PTPRT: variants seen among roughly 807,000 people sequenced by gnomAD.
PTPRT encodes the protein receptor-type tyrosine-protein phosphatase T.
A neutral mutation model predicts 176.8 loss-of-function variants in PTPRT; 56 were observed. The ratio of observed to expected loss-of-function variants is 0.32; its 90% CI spans 0.26 to 0.40. The LOEUF is 0.40. PTPRT is among the 10% of genes least tolerant of loss of function. PTPRT has a pLI of 1.00. For synonymous variants in PTPRT, 783 were observed against 739.0 expected, an observed-to-expected ratio of 1.06 and a Z score of -0.96; for missense variants, 1,540 against 1,908.2, an observed-to-expected ratio of 0.81 and a Z score of 3.60.
intron 1 of PTPRT, among the ~76,000 whole-genome samples, chr20:43,167,122 T>C (rs182912155): frequency 1.3e-5 from 2 of 152,336 alleles, no homozygotes; most frequent in African/African-American, 4.8e-5. Context: ...CCTTTACTCT[T>C]GACAGGTTTG....
chr20:43,133,789 A>T (rs1020564852), intron 1 of PTPRT, among the ~76,000 whole-genome samples: 3 of 151,664 alleles, frequency 2.0e-5, no homozygotes. Flanking sequence ...CTGGTTCTGA[A>T]ACGCTAGCCT....
intron 1 of PTPRT, among the ~76,000 whole-genome samples, chr20:43,076,364 C>T (rs2011278145): frequency 6.6e-6 from 1 of 151,714 alleles, no homozygotes; most frequent in Admixed American, 6.6e-5. Flanking sequence ...AAAATACTAC[C>T]ATGCAATATA....
chr20:42,192,237 C>A (rs117620048), intron 16 of PTPRT, among the ~76,000 whole-genome samples: 2,521 of 152,194 alleles, frequency 0.017, 36 homozygotes, highest in Non-Finnish European at 0.025. Flanking sequence ...TTCCCAGAGA[C>A]CCATTTCCCA....
rs372520840 is a variant in PTPRT, at chr20:42,085,821, G to A, written c.3879C>T (p.Ser1293=). 71 of 1,613,494 alleles carry A rather than the reference G, an allele frequency of 4.4e-5. No individual in the cohort carries two copies. Among genetic ancestry groups the A allele is most frequent in the South Asian group, 8.8e-5 (8 of 91,070 alleles). ...FCMQYWPEKT[S]GCYGPIQVEF... is the part of the protein sequence containing the mutation. ...CCACCTGGATGGGCCCATAGCACCC[G>A]GAGGTCTTCTCAGGCCAGTACTGCA... Residue 1293 remains serine (S), a synonymous_variant, in exon 28 of 31, where the codon TCC becomes TCT. Transcript: ENST00000373187.
chr20:43,079,637 T>C (rs186686583), intron 1 of PTPRT, among the ~76,000 whole-genome samples: 4 of 152,304 alleles, frequency 2.6e-5, no homozygotes, highest in Admixed American at 2.0e-4. Context: ...GTGGTTGCTA[T>C]TGTGAATAAA....
chr20:42,951,103 GA>G (rs1308995650), intron 1 of PTPRT, among the ~76,000 whole-genome samples: 1 of 152,230 alleles, frequency 6.6e-6, no homozygotes, highest in Non-Finnish European at 1.5e-5. Context: ...ATAGATGGAT[GA>G]GAGAATGAAG....
intron 7 of PTPRT, among the ~76,000 whole-genome samples, chr20:42,602,990 G>A (rs1037021616): frequency 1.3e-5 from 2 of 152,036 alleles, no homozygotes; most frequent in Non-Finnish European, 2.9e-5. Context: ...AGAACAGAGG[G>A]GTGCTCTGTT....
intron 7 of PTPRT, among the ~76,000 whole-genome samples, chr20:42,552,548 G>A (rs770652025): frequency 4.6e-5 from 7 of 152,028 alleles, no homozygotes; most frequent in Non-Finnish European, 7.4e-5. Context: ...TTTTTTGCAC[G>A]AAAATGTTTT....
At chr20:42,291,325 A>G (rs1370223066) in intron 12 of PTPRT, among the ~76,000 whole-genome samples, 1 of 152,336 alleles carries the variant, frequency 6.6e-6, no homozygotes, top group Admixed American at 6.5e-5. Flanking sequence ...CTGTCCTCAT[A>G]GAGCATGCAG....
intron 2 of PTPRT, among the ~76,000 whole-genome samples, chr20:42,802,932 T>C (rs1190500998): frequency 1.3e-5 from 2 of 152,228 alleles, no homozygotes; most frequent in Non-Finnish European, 2.9e-5. Context: ...TTCCTAGGCT[T>C]GTTACGTGAA....
chr20:42,366,954 T>G (rs980096434), intron 9 of PTPRT, among the ~76,000 whole-genome samples: 4 of 152,258 alleles, frequency 2.6e-5, no homozygotes, highest in African/African-American at 9.6e-5. Context: ...GTTGCCTTTT[T>G]TTCCCTTAAA....
chr20:42,458,394 C>T (rs1352855936), intron 8 of PTPRT, among the ~76,000 whole-genome samples: 1 of 152,080 alleles, frequency 6.6e-6, no homozygotes, highest in Non-Finnish European at 1.5e-5. Context: ...ATTACCTTGG[C>T]CAAGCTGCTT....
chr20:43,073,090 A>G (rs1028809706), intron 1 of PTPRT, among the ~76,000 whole-genome samples: 5 of 152,214 alleles, frequency 3.3e-5, no homozygotes, highest in African/African-American at 1.2e-4. Context: ...ACAGGGTCAA[A>G]GAGGACTTGC....
chr20:42,213,730 C>T (rs1157469465), intron 15 of PTPRT, among the ~76,000 whole-genome samples: 1 of 151,996 alleles, frequency 6.6e-6, no homozygotes, highest in Non-Finnish European at 1.5e-5. Context: ...AGCCAAGGAG[C>T]ACGGAGGACT....
intron 2 of PTPRT, among the ~76,000 whole-genome samples, chr20:42,801,867 T>C (rs1256892318): frequency 1.3e-5 from 2 of 152,078 alleles, no homozygotes; most frequent in Non-Finnish European, 2.9e-5. Flanking sequence ...CTAAAAGAAA[T>C]TGCAGACAGA....
intron 18 of PTPRT, among the ~76,000 whole-genome samples, chr20:42,133,109 T>C (rs568018678): frequency 1.3e-5 from 2 of 152,232 alleles, no homozygotes; most frequent in Non-Finnish European, 2.9e-5. Context: ...ATCAATTCCC[T>C]GACATATTCT....
chr20:42,950,593 G>A (rs1439460550), intron 1 of PTPRT, among the ~76,000 whole-genome samples: 3 of 152,162 alleles, frequency 2.0e-5, no homozygotes, highest in Admixed American at 2.0e-4. Flanking sequence ...CTGGTGTTCT[G>A]GGGTGGTAAC....
intron 3 of PTPRT, among the ~76,000 whole-genome samples, chr20:42,783,305 T>C (rs1185343475): frequency 6.6e-6 from 1 of 152,128 alleles, no homozygotes; most frequent in Non-Finnish European, 1.5e-5. Context: ...TTGAGAATAA[T>C]ATTTGTAATA....
At chr20:42,298,818 G>C (rs936740792) in intron 12 of PTPRT, among the ~76,000 whole-genome samples, 3 of 152,080 alleles carry the variant, frequency 2.0e-5, no homozygotes, top group African/African-American at 7.2e-5. Context: ...CCACTTGAGA[G>C]GCTGAGCCAG....
Sources: gnomAD v4.1 joint callset for allele counts (sites outside exome capture counted in the v4.1 genomes callset) on GRCh38, gnomAD v4.1.1 for gene constraint, MANE v1.5 for transcripts, NCBI Gene and HGNC (gene_info 2026-07-23, HGNC 2026-07-21) for gene names.